PARD3B: variants seen among roughly 807,000 people sequenced by gnomAD.
PARD3B encodes par-3 family cell polarity regulator beta, also known as partitioning defective 3 homolog B.
Under a neutral mutation model 130.2 loss-of-function variants are expected in PARD3B, and 103 were observed. The observed-to-expected ratio is 0.79, with a 90% CI of 0.67 to 0.93. PARD3B has a LOEUF of 0.93. Among genes scored for constraint, PARD3B ranks in the 40% least tolerant of loss-of-function variants. The probability of loss-of-function intolerance (pLI) is 0.00; values close to 1 mark genes in which losing one functional copy is unlikely to be tolerated. For missense variants in PARD3B, 1,609 were observed against 1,499.2 expected (o/e 1.07, Z -1.21); for synonymous variants, 583 against 553.2 (o/e 1.05, Z -0.76).
chr2:205,032,519 A>G (rs1351925857), intron 3 of PARD3B, among the ~76,000 whole-genome samples: 1 of 152,126 alleles, frequency 6.6e-6, no homozygotes, highest in Admixed American at 6.6e-5. Context: ...AATGTTGGGA[A>G]AGTCTCTATA....
intron 4 of PARD3B, among the ~76,000 whole-genome samples, chr2:205,093,555 A>G (rs1447616123): frequency 6.6e-6 from 1 of 152,174 alleles, no homozygotes; most frequent in Non-Finnish European, 1.5e-5. Context: ...TTTGCCAGGC[A>G]AGCAATGGTA....
chr2:205,039,009 C>T (rs767080646), intron 3 of PARD3B, among the ~76,000 whole-genome samples: 5 of 152,082 alleles, frequency 3.3e-5, no homozygotes, highest in Non-Finnish European at 4.4e-5. Context: ...GGCACTCCTG[C>T]GGCGAAAGTG....
At chr2:204,582,155 C>T (rs1383864632) in intron 1 of PARD3B, among the ~76,000 whole-genome samples, 4 of 152,140 alleles carry the variant, frequency 2.6e-5, no homozygotes, top group African/African-American at 9.7e-5. Context: ...ACTCCCAGAG[C>T]TCTGCATAGG....
intron 2 of PARD3B, among the ~76,000 whole-genome samples, chr2:204,902,681 A>G (rs1000552264): frequency 2.0e-5 from 3 of 151,676 alleles, no homozygotes; most frequent in Non-Finnish European, 2.9e-5. Flanking sequence ...AAAAAAAAAA[A>G]AAAAAAAAAA....
chr2:205,207,015 A>G (rs1220963983), intron 15 of PARD3B, among the ~76,000 whole-genome samples: 3 of 146,138 alleles, frequency 2.1e-5, no homozygotes, highest in Non-Finnish European at 4.5e-5. Context: ...ATAACAAACT[A>G]TCTCTCAGAC....
chr2:204,662,691 C>G (rs1574641204), intron 1 of PARD3B, among the ~76,000 whole-genome samples: 1 of 152,088 alleles, frequency 6.6e-6, no homozygotes, highest in East Asian at 1.9e-4. Context: ...AGTGAAACTG[C>G]CTGTTGTTTA....
chr2:204,641,476 C>T (rs2125153602), intron 1 of PARD3B, among the ~76,000 whole-genome samples: 1 of 151,440 alleles, frequency 6.6e-6, no homozygotes, highest in South Asian at 2.1e-4. Context: ...TTTTGCAAAA[C>T]TTTTGCACCT....
At chr2:205,029,319 C>T (rs146078265) in intron 3 of PARD3B, among the ~76,000 whole-genome samples, 283 of 152,236 alleles carry the variant, frequency 1.9e-3, no homozygotes, top group African/African-American at 3.2e-3. Flanking sequence ...CCTTTGACTC[C>T]GAGAGACATA....
At chr2:205,168,314 A>AGGGTGTGT (rs374509521) in intron 11 of PARD3B, among the ~76,000 whole-genome samples, 1 of 137,868 alleles carries the variant, frequency 7.3e-6, no homozygotes, top group Non-Finnish European at 1.6e-5. Flanking sequence ...AGAGAGAGAG[A>AGGGTGTGT]GAGAGAGTGT....
intron 1 of PARD3B, among the ~76,000 whole-genome samples, chr2:204,680,047 T>C (rs1372976641): frequency 6.6e-6 from 1 of 152,090 alleles, no homozygotes; most frequent in Non-Finnish European, 1.5e-5. Flanking sequence ...CTTGTAAGGA[T>C]ATTGGTATCA....
intron 2 of PARD3B, among the ~76,000 whole-genome samples, chr2:204,944,084 G>C (rs1303163348): frequency 6.6e-6 from 1 of 152,136 alleles, no homozygotes; most frequent in Non-Finnish European, 1.5e-5. Context: ...GAACACTCCA[G>C]AAAGAATGAA....
intron 2 of PARD3B, among the ~76,000 whole-genome samples, chr2:204,942,340 A>G (rs1025299308): frequency 2.0e-5 from 3 of 152,224 alleles, no homozygotes; most frequent in African/African-American, 7.2e-5. Context: ...TTCTGTTTTG[A>G]TATTTCATCT....
rs1553500338 is a variant in PARD3B at position 205,383,113 on chromosome 2, T to TAGATAGATAGATAGATAGATAGAG, written c.2631-17877_2631-17876insGAGATAGATAGATAGATAGATAGA. Among the ~76,000 whole-genome samples, 443 of 149,540 alleles carry TAGATAGATAGATAGATAGATAGAG rather than the reference T, an allele frequency of 3.0e-3. 2 individuals carry two copies. Among genetic ancestry groups the TAGATAGATAGATAGATAGATAGAG allele is most frequent in the African/African-American group, 5.3e-3 (217 of 40,852 alleles). ...ATAGATAGATAGATAGATAGATAGA[T>TAGATAGATAGATAGATAGATAGAG]AGATAGATAGATAGATAGATAGATA... On this transcript the variant is annotated intron_variant, in intron 18 of 22. Transcript: ENST00000406610.
intron 3 of PARD3B, among the ~76,000 whole-genome samples, chr2:204,991,928 G>GT (rs1559334217): frequency 6.7e-6 from 1 of 149,866 alleles, no homozygotes; most frequent in Non-Finnish European, 1.5e-5. Flanking sequence ...GGGGTTGTTT[G>GT]TTTTTTTCTT....
Position 205,104,479 on chromosome 2 carries a change from A to T in PARD3B, c.558A>T (p.Glu186Asp). 2 of 1,600,426 alleles carry T rather than the reference A, an allele frequency of 1.2e-6. No homozygotes were observed. The highest frequency in any genetic ancestry group is 1.7e-6 in the Non-Finnish European group (2 of 1,167,770). ...AAGTTTTGAATGGTGTACAGACAGA[A>T]CTACTAACTTCGCCAAGAACTAAGG... ...DREVLNGVQT[E>D]LLTSPRTKDT... The change falls in exon 5 of 23, where the codon GAA becomes GAT. Residue 186 changes from glutamate to aspartate, a missense_variant. Physicochemically the swap from Glu to Asp is conservative, Grantham distance 45 (BLOSUM62 2). Coordinates refer to ENST00000406610, the MANE Select transcript of PARD3B (RefSeq NM_001302769.2).
At chr2:205,318,309 A>G (rs1005063971) in intron 18 of PARD3B, among the ~76,000 whole-genome samples, 4 of 152,218 alleles carry the variant, frequency 2.6e-5, no homozygotes, top group Non-Finnish European at 5.9e-5. Flanking sequence ...GGACTATAAA[A>G]TGAAAGATGG....
At chr2:204,933,195 G>T (rs1267987114) in intron 2 of PARD3B, among the ~76,000 whole-genome samples, 3 of 152,116 alleles carry the variant, frequency 2.0e-5, no homozygotes, top group African/African-American at 7.2e-5. Flanking sequence ...CTGCATATCT[G>T]CCTGGAGTAA....
intron 2 of PARD3B, among the ~76,000 whole-genome samples, chr2:204,845,746 T>C (rs1189532040): frequency 1.3e-5 from 2 of 152,110 alleles, no homozygotes; most frequent in Non-Finnish European, 2.9e-5. Flanking sequence ...TGTAAAACTA[T>C]AACCTTCACA....
chr2:204,939,725 A>G (rs1299354744), intron 2 of PARD3B, among the ~76,000 whole-genome samples: 2 of 152,350 alleles, frequency 1.3e-5, no homozygotes, highest in African/African-American at 4.8e-5. Context: ...CATATCTATA[A>G]TTTAAGTGAG....
Sources: allele counts gnomAD v4.1 joint callset (sites outside exome capture counted in the v4.1 genomes callset), GRCh38; gene constraint gnomAD v4.1.1; transcripts MANE v1.5; gene names NCBI Gene and HGNC (gene_info 2026-07-23, HGNC 2026-07-21).